Variants in ARL17B observed in about 807,000 individuals in gnomAD.
The protein encoded by ARL17B is ADP-ribosylation factor-like protein 17.
rs572508270 is a variant in ARL17B at position 46,316,877 on chromosome 17, C to G, written c.260-17212G>C. Among the ~76,000 whole-genome samples the G allele has an allele frequency of 1.5e-3, 147 of 101,294 alleles. 25 individuals carry two copies. The highest frequency in any genetic ancestry group is 4.7e-3 in the African/African-American group (144 of 30,784). 66.5% of individuals were successfully genotyped at this position (101,294 alleles called of 152,430 possible). On this transcript the variant is annotated intron_variant, in intron 3 of 4. Coordinates refer to the ARL17B transcript ENST00000434041. Reference sequence around the variant, plus strand: ...AAGCACATCTTGCACCGCCCTTAATCCATTCAACCCTGAGTGGACACAGCA... The same window carrying G: ...AAGCACATCTTGCACCGCCCTTAATGCATTCAACCCTGAGTGGACACAGCA...
chr17:46,276,790 C>CTTTTTTTTTTTTTTTTTTA (rs75549659), intron 4 of ARL17B, among the ~76,000 whole-genome samples: 3 of 134,316 alleles, frequency 2.2e-5, no homozygotes, highest in Non-Finnish European at 3.2e-5. Flanking sequence ...TTCTTTTTTT[C>CTTTTTTTTTTTTTTTTTTA]TTTTTTTTTT....
chr17:46,289,764 G>A (rs543906735), intron 4 of ARL17B, among the ~76,000 whole-genome samples: 34 of 152,096 alleles, frequency 2.2e-4, no homozygotes, highest in Non-Finnish European at 4.1e-4. Context: ...CTTAGCCCAC[G>A]TTTCCTTTAA....
At chr17:46,286,426 CAG>C (rs1251154092) in intron 4 of ARL17B, among the ~76,000 whole-genome samples, 1 of 152,220 alleles carries the variant, frequency 6.6e-6, no homozygotes, top group African/African-American at 2.4e-5. Flanking sequence ...AAGGTAATAA[CAG>C]AGTCTCAAAG....
downstream of ARL17B, chr17:46,331,094 A>G (rs1248767113): frequency 1.4e-6 from 1 of 718,594 alleles, no homozygotes; most frequent in Admixed American, 2.9e-5. Context: ...AGACAGATCG[A>G]AAGACTTAAC....
intron 4 of ARL17B, among the ~76,000 whole-genome samples, chr17:46,285,378 T>C (rs541888059): frequency 1.3e-5 from 2 of 152,116 alleles, no homozygotes; most frequent in East Asian, 1.9e-4. Flanking sequence ...GTAGCTGGGA[T>C]TACAGGCTCA....
intron 4 of ARL17B, among the ~76,000 whole-genome samples, chr17:46,285,366 T>C (rs1598075551): frequency 6.6e-6 from 1 of 151,490 alleles, no homozygotes; most frequent in South Asian, 2.1e-4. Flanking sequence ...TCAGCCTCCC[T>C]AGTAGCTGGG....
intron 3 of ARL17B, among the ~76,000 whole-genome samples, chr17:46,340,994 GTC>G (rs1440314734): frequency 1.4e-5 from 1 of 72,704 alleles, no homozygotes; most frequent in East Asian, 2.4e-4. Context: ...TCCCGCCTTG[GTC>G]TCTCAACGTA....
At chr17:46,300,938 TG>T (rs2143568375) in intron 3 of ARL17B, among the ~76,000 whole-genome samples, 2 of 72,828 alleles carry the variant, frequency 2.7e-5, no homozygotes, top group African/African-American at 7.0e-5. Context: ...TCAAAAATTT[TG>T]TGCCAACTTA....
chr17:46,340,533 T>G lies in ARL17B; in HGVS notation c.260-759A>C, dbSNP rs1213804346. On this transcript the variant is annotated intron_variant, in intron 3 of 3. Transcript: ENST00000450673. ...GCCTGGCTTGTTTTGGGTTTTGGGGTTTTTTTTGTGTTTTGTTTGTTTGTT... is the reference window on the plus strand; with the variant it reads ...GCCTGGCTTGTTTTGGGTTTTGGGGGTTTTTTTGTGTTTTGTTTGTTTGTT... 9.4e-4 allele frequency among the ~76,000 whole-genome samples: 59 copies of G among 62,564 alleles called. 2 individuals are homozygous for G. Among genetic ancestry groups the G allele is most frequent in the East Asian group, 3.5e-3 (13 of 3,764 alleles). 41.0% of individuals were successfully genotyped at this position (62,564 alleles called of 152,430 possible). A position where few individuals can be genotyped will look rare whatever the true frequency, so the allele number is the denominator to read the frequency against.
chr17:46,305,023 T>C lies in ARL17B; in HGVS notation c.260-5358A>G, dbSNP rs1276695053. ...AGCTAGGACTACAGGCACGTGCCAC[T>C]AGGCCCGGCTAATTTTTTTTTTTTT... is the stretch of plus-strand genomic sequence containing the variant. On this transcript the variant is annotated intron_variant, in intron 3 of 4. Coordinates refer to the ARL17B transcript ENST00000434041. 7.5e-4 allele frequency among the ~76,000 whole-genome samples: 60 copies of C among 80,094 alleles called. 4 individuals are homozygous for C. Among genetic ancestry groups the C allele is most frequent in the African/African-American group, 2.0e-3 (58 of 29,560 alleles). 52.5% of individuals were successfully genotyped at this position (80,094 alleles called of 152,430 possible). A position where few individuals can be genotyped will look rare whatever the true frequency, so the allele number is the denominator to read the frequency against.
intron 4 of ARL17B, among the ~76,000 whole-genome samples, chr17:46,290,900 TA>T (rs111769986): frequency 6.6e-6 from 1 of 152,136 alleles, no homozygotes; most frequent in Non-Finnish European, 1.5e-5. Context: ...GTACCTGAAA[TA>T]AGTTTGCTGT....
chr17:46,290,123 C>CAAAAT (rs1015698097), intron 4 of ARL17B, among the ~76,000 whole-genome samples: 1 of 132,026 alleles, frequency 7.6e-6, no homozygotes, highest in Non-Finnish European at 1.8e-5. Context: ...TGTCTTAAAA[C>CAAAAT]AAAACAAAAC....
intron 4 of ARL17B, among the ~76,000 whole-genome samples, chr17:46,281,060 G>A (rs1403696535): frequency 6.6e-6 from 1 of 152,090 alleles, no homozygotes; most frequent in African/African-American, 2.4e-5. Flanking sequence ...AAATGTTGTA[G>A]CGGAAAAATC....
At chr17:46,288,589 G>A (rs1033129418) in intron 4 of ARL17B, among the ~76,000 whole-genome samples, 5 of 151,154 alleles carry the variant, frequency 3.3e-5, no homozygotes, top group Admixed American at 1.3e-4. Flanking sequence ...TGAGCCACAG[G>A]GCCCAGCCTC....
At chr17:46,287,333 C>T (rs56157000) in intron 4 of ARL17B, among the ~76,000 whole-genome samples, 21,457 of 151,520 alleles carry the variant, frequency 0.14, 1,884 homozygotes, top group Non-Finnish European at 0.21. Flanking sequence ...AAGACTTACA[C>T]CTGTCAAACC....
At chr17:46,304,899 C>T (rs2050468524) in intron 3 of ARL17B, among the ~76,000 whole-genome samples, 1 of 68,102 alleles carries the variant, frequency 1.5e-5, no homozygotes. Context: ...GACGGAATCT[C>T]GCTCTGTCGC....
rs569105708 is a variant in ARL17B at position 46,275,327 on chromosome 17, T to C, written c.*113A>G. 1.5e-4 allele frequency: 123 copies of C among 841,376 alleles called. 3 individuals are homozygous for C. Among genetic ancestry groups the C allele is most frequent in the African/African-American group, 1.1e-3 (56 of 52,948 alleles). 52.1% of individuals were successfully genotyped at this position (841,376 alleles called of 1,614,324 possible). On this transcript the variant is annotated 3_prime_UTR_variant, in exon 5 of 5. Coordinates refer to the ARL17B transcript ENST00000570618. ...AAAGATCTGGCTCCTTAATTTAAAA[T>C]AGTTCAGGCAACAAGATTCTTGCTG...
intron 4 of ARL17B, among the ~76,000 whole-genome samples, chr17:46,278,184 G>A (rs2049644961): frequency 1.3e-5 from 2 of 151,988 alleles, no homozygotes; most frequent in East Asian, 3.9e-4. Flanking sequence ...GACCTCAGAT[G>A]ATCCACCCGC....
downstream of ARL17B, among the ~76,000 whole-genome samples, chr17:46,332,898 T>C (rs1354843286): frequency 1.3e-5 from 2 of 151,378 alleles, no homozygotes; most frequent in Non-Finnish European, 2.9e-5. Flanking sequence ...CTAGACTATT[T>C]TAAGAAGTCG....
Sources: gnomAD v4.1 joint callset for allele counts (sites outside exome capture counted in the v4.1 genomes callset) on GRCh38, gnomAD v4.1.1 for gene constraint, MANE v1.5 for transcripts, NCBI Gene and HGNC (gene_info 2026-07-23, HGNC 2026-07-21) for gene names.